The following CDH18 variants were observed in gnomAD, a reference collection of about 807,000 sequenced individuals.
CDH18 encodes cadherin-18.
A neutral mutation model predicts 67.9 loss-of-function variants in CDH18; 31 were observed. The observed-to-expected ratio is 0.46, with a 90% CI of 0.34 to 0.62. The LOEUF (loss-of-function observed/expected upper bound fraction) is 0.62. Ranked by LOEUF, CDH18 falls within the 20% of genes least tolerant of loss-of-function variation. The pLI is 0.01. For synonymous variants in CDH18, 362 were observed against 347.2 expected (o/e 1.04, Z -0.48); for missense variants, 890 against 975.5 (o/e 0.91, Z 1.17).
chr5:20,294,203 T>C (rs1747316391), intron 1 of CDH18, among the ~76,000 whole-genome samples: 1 of 152,186 alleles, frequency 6.6e-6, no homozygotes, highest in Admixed American at 6.5e-5. Context: ...CTTCATCCTC[T>C]TAATTACCCA....
chr5:19,483,947 G>T (rs957947668), intron 11 of CDH18, among the ~76,000 whole-genome samples: 5 of 152,134 alleles, frequency 3.3e-5, no homozygotes, highest in African/African-American at 1.2e-4. Flanking sequence ...TAGGTAATAG[G>T]AGCACAAATC....
At chr5:19,920,695 G>C (rs1311344336) in intron 2 of CDH18, among the ~76,000 whole-genome samples, 3 of 151,530 alleles carry the variant, frequency 2.0e-5, no homozygotes, top group African/African-American at 7.3e-5. Flanking sequence ...TGTATTTTTA[G>C]TAGAGACGGG....
At chr5:20,096,249 C>G (rs1025895183) in intron 2 of CDH18, among the ~76,000 whole-genome samples, 1 of 152,082 alleles carries the variant, frequency 6.6e-6, no homozygotes, top group African/African-American at 2.4e-5. Flanking sequence ...ATTTTTTAAA[C>G]TGAAAAGACA....
At chr5:19,665,828 T>G (rs1757840487) in intron 5 of CDH18, among the ~76,000 whole-genome samples, 1 of 152,060 alleles carries the variant, frequency 6.6e-6, no homozygotes, top group African/African-American at 2.4e-5. Context: ...ACATTTAAAT[T>G]TAAGTTCTTA....
chr5:20,481,117 C>A (rs1217257400), intron 1 of CDH18, among the ~76,000 whole-genome samples: 2 of 150,288 alleles, frequency 1.3e-5, no homozygotes, highest in Non-Finnish European at 3.0e-5. Context: ...TAAAGACACA[C>A]ATAGACTGAA....
chr5:19,604,691 G>A (rs1236415609), intron 6 of CDH18, among the ~76,000 whole-genome samples: 1 of 151,930 alleles, frequency 6.6e-6, no homozygotes, highest in South Asian at 2.1e-4. Context: ...GTAAATTTAA[G>A]TACTACTGCC....
At chr5:19,541,423 C>T (rs917598400) in intron 9 of CDH18, among the ~76,000 whole-genome samples, 1 of 152,072 alleles carries the variant, frequency 6.6e-6, no homozygotes, top group Admixed American at 6.6e-5. Context: ...AAGTCACTTC[C>T]ACATTTTTAA....
chr5:20,117,216 C>A (rs921199923), intron 2 of CDH18, among the ~76,000 whole-genome samples: 2 of 152,066 alleles, frequency 1.3e-5, no homozygotes, highest in Non-Finnish European at 2.9e-5. Flanking sequence ...TCCAAATAGG[C>A]TTGCTAATTA....
intron 3 of CDH18, among the ~76,000 whole-genome samples, chr5:19,782,159 A>G (rs1180401177): frequency 6.6e-6 from 1 of 152,148 alleles, no homozygotes; most frequent in Non-Finnish European, 1.5e-5. Context: ...TAATTTACTC[A>G]TAGTTCCACA....
Position 19,674,077 on chromosome 5 carries a change from T to C in CDH18, c.643+47270A>G, listed in dbSNP as rs1354646379. 2.6e-5 allele frequency among the ~76,000 whole-genome samples: 4 copies of C among 152,118 alleles called. No individual in the cohort carries two copies. The East Asian group carries it at 5.8e-4, about 22-fold the overall frequency. ...TAGATTACTACCTTCTTTTATTTTT[T>C]TGTCCCAGGTAGCAATAGAAAAAAC... On this transcript the variant is annotated intron_variant, in intron 5 of 12. Transcript: ENST00000382275.
At chr5:19,838,394 C>T (rs1013075233) in intron 3 of CDH18, among the ~76,000 whole-genome samples, 3 of 151,780 alleles carry the variant, frequency 2.0e-5, no homozygotes, top group Non-Finnish European at 4.4e-5. Flanking sequence ...TGTCAGTGTG[C>T]GAATAAGTGA....
At chr5:20,500,669 T>C (rs1754199697) in intron 1 of CDH18, among the ~76,000 whole-genome samples, 1 of 152,170 alleles carries the variant, frequency 6.6e-6, no homozygotes, top group Admixed American at 6.5e-5. Flanking sequence ...GTAAATATCT[T>C]AGCACAGTTA....
chr5:19,796,888 T>C lies in CDH18; in HGVS notation c.228+41871A>G, dbSNP rs377587689. ...CCCCTAAAGCAACCACAGTGAGAAA[T>C]ATACAAAGAAGTATACTCAAAAACA... On this transcript the variant is annotated intron_variant, in intron 3 of 12. Coordinates refer to ENST00000382275, the MANE Select transcript of CDH18 (RefSeq NM_004934.5). Among the ~76,000 whole-genome samples the C allele has an allele frequency of 1.1e-4, 17 of 151,936 alleles. No homozygotes were observed. In the East Asian group the frequency reaches 2.3e-3, roughly 21 times the overall value.
At chr5:19,489,591 T>C (rs1741048368) in intron 11 of CDH18, among the ~76,000 whole-genome samples, 1 of 152,126 alleles carries the variant, frequency 6.6e-6, no homozygotes, top group East Asian at 1.9e-4. Flanking sequence ...CTCTTCTAAG[T>C]TTCTTTTGTC....
At chr5:20,530,441 G>A (rs1756328495) in intron 1 of CDH18, among the ~76,000 whole-genome samples, 1 of 151,952 alleles carries the variant, frequency 6.6e-6, no homozygotes, top group African/African-American at 2.4e-5. Flanking sequence ...ACAATCCTAA[G>A]CTAAAAGAAC....
intron 2 of CDH18, among the ~76,000 whole-genome samples, chr5:19,867,344 G>T (rs1176695264): frequency 2.0e-5 from 3 of 151,970 alleles, no homozygotes; most frequent in Non-Finnish European, 2.9e-5. Context: ...AGTTTATATT[G>T]AATCAAATGG....
intron 1 of CDH18, among the ~76,000 whole-genome samples, chr5:20,560,269 CT>C (rs367937498): frequency 2.1e-4 from 32 of 152,152 alleles, no homozygotes; most frequent in East Asian, 1.7e-3. Flanking sequence ...ATGGAGAGTG[CT>C]GTAGTTCTAG....
rs1413559859 is a variant in CDH18, at chr5:20,330,205, A to G, written c.-579-74700T>C. ...TTTTTCCAATGGAAAATTTGAATCT[A>G]TTGCTGAAATTGCTGTCTTAGGTAA... On this transcript the variant is annotated intron_variant, in intron 1 of 14. Transcript: ENST00000507958. 2.6e-5 allele frequency among the ~76,000 whole-genome samples: 4 copies of G among 152,136 alleles called. No homozygotes were observed. In the South Asian group the frequency reaches 8.3e-4, roughly 32 times the overall value.
intron 2 of CDH18, among the ~76,000 whole-genome samples, chr5:20,253,259 T>A (rs977890416): frequency 3.9e-5 from 6 of 152,246 alleles, no homozygotes; most frequent in Non-Finnish European, 8.8e-5. Flanking sequence ...CATAGCCAAC[T>A]AACTATACTC....
Sources: allele counts gnomAD v4.1 joint callset (sites outside exome capture counted in the v4.1 genomes callset), GRCh38; gene constraint gnomAD v4.1.1; transcripts MANE v1.5; gene names NCBI Gene and HGNC (gene_info 2026-07-23, HGNC 2026-07-21).